NEK1: variants seen among roughly 807,000 people sequenced by gnomAD.
NEK1 encodes the protein serine/threonine-protein kinase Nek1.
Under a neutral mutation model 182.1 loss-of-function variants are expected in NEK1, and 137 were observed. That is an observed-to-expected ratio of 0.75 (90% confidence interval 0.65 to 0.87). The LOEUF (loss-of-function observed/expected upper bound fraction) is 0.87. Ranked by LOEUF, NEK1 falls within the 40% of genes least tolerant of loss-of-function variation. The pLI is 0.00. For synonymous variants in NEK1, 513 were observed against 492.2 expected, an observed-to-expected ratio of 1.04 and a Z score of -0.56; for missense variants, 1,391 against 1,494.4, an observed-to-expected ratio of 0.93 and a Z score of 1.14.
At chr4:169,447,583 AT>A (rs1313997024) in intron 27 of NEK1, among the ~76,000 whole-genome samples, 2 of 152,226 alleles carry the variant, frequency 1.3e-5, no homozygotes, top group Non-Finnish European at 2.9e-5. Flanking sequence ...AGATGAACTG[AT>A]TGAAAATAAA....
chr4:169,576,720 T>C (rs1765739088), intron 12 of NEK1: 1 of 394,592 alleles, frequency 2.5e-6, no homozygotes, highest in Non-Finnish European at 4.6e-6. Context: ...ATTACACTAA[T>C]TATATTACTT....
chr4:169,484,803 T>C (rs955636935), intron 23 of NEK1, among the ~76,000 whole-genome samples: 10 of 152,208 alleles, frequency 6.6e-5, no homozygotes, highest in African/African-American at 2.2e-4. Flanking sequence ...TTTTATCCTC[T>C]CTGAACCTCA....
intron 2 of NEK1, among the ~76,000 whole-genome samples, chr4:169,609,108 G>T (rs1771888201): frequency 6.6e-6 from 1 of 151,510 alleles, no homozygotes. Context: ...AAAATACAAG[G>T]GGTAAGTTTT....
intron 10 of NEK1, among the ~76,000 whole-genome samples, chr4:169,581,562 G>C (rs893614143): frequency 1.3e-5 from 2 of 152,122 alleles, no homozygotes; most frequent in African/African-American, 4.8e-5. Flanking sequence ...TGGGATTAAA[G>C]GTATGTGCCA....
At chr4:169,420,233 T>G (rs1014124678) in intron 31 of NEK1, among the ~76,000 whole-genome samples, 1 of 152,226 alleles carries the variant, frequency 6.6e-6, no homozygotes, top group Non-Finnish European at 1.5e-5. Flanking sequence ...ATAACACGAA[T>G]GAAGCTGTCA....
chr4:169,545,472 C>A (rs1760261212), intron 18 of NEK1, among the ~76,000 whole-genome samples: 1 of 149,748 alleles, frequency 6.7e-6, no homozygotes, highest in Non-Finnish European at 1.5e-5. Context: ...TGGGTTGGTT[C>A]CAAGTCTTTG....
intron 28 of NEK1, among the ~76,000 whole-genome samples, chr4:169,435,215 T>C (rs1738176074): frequency 6.6e-6 from 1 of 151,788 alleles, no homozygotes; most frequent in Admixed American, 6.6e-5. Flanking sequence ...CAGATAACCT[T>C]TTCCTCCTTG....
chr4:169,577,756 AAATAATAAT>A (rs372782497), intron 11 of NEK1, among the ~76,000 whole-genome samples: 10 of 151,130 alleles, frequency 6.6e-5, no homozygotes, highest in African/African-American at 1.2e-4. Flanking sequence ...TCCGTCTCAA[AAATAATAAT>A]AATAATAATA....
At chr4:169,412,503 A>G (rs1334086973) in intron 31 of NEK1, among the ~76,000 whole-genome samples, 1 of 152,216 alleles carries the variant, frequency 6.6e-6, no homozygotes, top group Non-Finnish European at 1.5e-5. Flanking sequence ...AATGAACTTT[A>G]AACCATGCTT....
chr4:169,568,937 CAAA>C (rs71590018), intron 12 of NEK1, among the ~76,000 whole-genome samples: 2 of 91,472 alleles, frequency 2.2e-5, no homozygotes, highest in Admixed American at 1.1e-4. Context: ...AACTCCATTT[CAAA>C]AAAAAAAAAA....
intron 29 of NEK1, among the ~76,000 whole-genome samples, chr4:169,428,810 C>A (rs1736894349): frequency 6.6e-6 from 1 of 152,144 alleles, no homozygotes; most frequent in Admixed American, 6.5e-5. Context: ...GTTTGGTGCA[C>A]ACCTTACGAG....
chr4:169,602,168 A>C (rs1017786951), intron 3 of NEK1, 64 bp from the exon 4 acceptor site: 1 of 1,116,314 alleles, frequency 9.0e-7, no homozygotes, highest in Admixed American at 1.7e-5. Context: ...AAAGTCCATC[A>C]ATAGGTGAGT....
At chr4:169,492,899 G>A (rs1352876131) in intron 23 of NEK1, among the ~76,000 whole-genome samples, 2 of 152,138 alleles carry the variant, frequency 1.3e-5, no homozygotes, top group Non-Finnish European at 2.9e-5. Flanking sequence ...CCACTGAAGG[G>A]GGCAGCGCCA....
intron 19 of NEK1, among the ~76,000 whole-genome samples, chr4:169,523,198 T>C (rs1756373158): frequency 6.6e-6 from 1 of 152,184 alleles, no homozygotes; most frequent in African/African-American, 2.4e-5. Flanking sequence ...CACATCAAAG[T>C]TTGACACAGT....
intron 26 of NEK1, among the ~76,000 whole-genome samples, chr4:169,470,289 T>C (rs1257611003): frequency 1.3e-5 from 2 of 152,180 alleles, no homozygotes; most frequent in African/African-American, 2.4e-5. Flanking sequence ...CCAAGTTTAG[T>C]GCTTCCTTCA....
intron 16 of NEK1, among the ~76,000 whole-genome samples, chr4:169,559,280 C>G (rs1762567813): frequency 6.6e-6 from 1 of 152,134 alleles, no homozygotes; most frequent in Non-Finnish European, 1.5e-5. Context: ...TAAAAAAATG[C>G]TTGAGATCTG....
chr4:169,588,896 C>T (rs568628393), intron 7 of NEK1, among the ~76,000 whole-genome samples, 161 bp from the exon 8 acceptor site: 1 of 152,234 alleles, frequency 6.6e-6, no homozygotes, highest in African/African-American at 2.4e-5. Context: ...GACTGACATA[C>T]ACTGTAGAGC....
At chr4:169,494,681 C>T (rs999392922) in intron 23 of NEK1, among the ~76,000 whole-genome samples, 1 of 152,180 alleles carries the variant, frequency 6.6e-6, no homozygotes, top group African/African-American at 2.4e-5. Flanking sequence ...ACACTGACTT[C>T]CACAATGGTT....
chr4:169,394,479 T>C lies in NEK1; in HGVS notation c.*31A>G, dbSNP rs1439551804. 3.0e-6 allele frequency: 4 copies of C among 1,318,442 alleles called. No individual in the cohort carries two copies. The highest frequency in any genetic ancestry group is 4.3e-6 in the Non-Finnish European group (4 of 934,802). The allele number at this position is 1,318,442 out of a possible 1,614,324, so 81.7% of individuals were successfully genotyped here. ...GATAAGCCAAATTCAAATGCTTTCA[T>C]ATAGTTGAGGATTAAAAAACATTTT... On this transcript the variant is annotated 3_prime_UTR_variant, in exon 36 of 36. Transcript: ENST00000507142.
Sources: allele counts gnomAD v4.1 joint callset (sites outside exome capture counted in the v4.1 genomes callset), GRCh38; gene constraint gnomAD v4.1.1; transcripts MANE v1.5; gene names NCBI Gene and HGNC (gene_info 2026-07-23, HGNC 2026-07-21).